The following SLC35F4 variants were observed in gnomAD, a reference collection of about 807,000 sequenced individuals.
SLC35F4 encodes solute carrier family 35 member F4.
Under a neutral mutation model 44.2 loss-of-function variants are expected in SLC35F4, and 24 were observed. The ratio of observed to expected loss-of-function variants is 0.54; its 90% CI spans 0.39 to 0.76. The LOEUF is 0.76. Among genes scored for constraint, SLC35F4 ranks in the 30% least tolerant of loss-of-function variants. The probability of loss-of-function intolerance (pLI) is 0.00; values close to 1 mark genes in which losing one functional copy is unlikely to be tolerated. For synonymous variants in SLC35F4, 238 were observed against 223.6 expected, an observed-to-expected ratio of 1.06 and a Z score of -0.57; for missense variants, 562 against 586.1, an observed-to-expected ratio of 0.96 and a Z score of 0.42.
At chr14:57,916,728 C>G (rs1889336831) in intron 1 of SLC35F4, among the ~76,000 whole-genome samples, 1 of 152,118 alleles carries the variant, frequency 6.6e-6, no homozygotes, top group Admixed American at 6.5e-5. Flanking sequence ...GGCTCACTAC[C>G]TGGGTGATGG....
intron 1 of SLC35F4, among the ~76,000 whole-genome samples, chr14:57,835,912 T>A (rs909182276): frequency 6.6e-6 from 1 of 152,228 alleles, no homozygotes; most frequent in Non-Finnish European, 1.5e-5. Flanking sequence ...TTCCATTGTT[T>A]GGGCTGAGAG....
intron 1 of SLC35F4, among the ~76,000 whole-genome samples, chr14:57,955,419 T>A (rs930863116): frequency 2.0e-5 from 3 of 151,982 alleles, no homozygotes; most frequent in Non-Finnish European, 4.4e-5. Flanking sequence ...TCTACTCACA[T>A]AGTATTGGAA....
At chr14:57,760,893 G>A (rs2077108599) in intron 1 of SLC35F4, among the ~76,000 whole-genome samples, 1 of 152,052 alleles carries the variant, frequency 6.6e-6, no homozygotes, top group South Asian at 2.1e-4. Context: ...AATACTTTTT[G>A]AATACTCAAG....
chr14:57,773,039 T>G (rs2077405607), intron 1 of SLC35F4, among the ~76,000 whole-genome samples: 1 of 152,188 alleles, frequency 6.6e-6, no homozygotes, highest in Non-Finnish European at 1.5e-5. Flanking sequence ...GACATTTTAA[T>G]AGTAACCATT....
chr14:57,586,183 AACC>A (rs1204661590), intron 3 of SLC35F4, among the ~76,000 whole-genome samples: 3 of 152,184 alleles, frequency 2.0e-5, no homozygotes, highest in African/African-American at 7.2e-5. Flanking sequence ...ACACATCTAC[AACC>A]ATCTAGTCTT....
At chr14:57,918,468 A>G (rs1343750084) in intron 1 of SLC35F4, among the ~76,000 whole-genome samples, 4 of 152,112 alleles carry the variant, frequency 2.6e-5, no homozygotes, top group Non-Finnish European at 5.9e-5. Context: ...AGATCTGTTG[A>G]CTTTTAGTCT....
At chr14:57,647,657 C>T (rs1482780583) in intron 1 of SLC35F4, among the ~76,000 whole-genome samples, 2 of 152,176 alleles carry the variant, frequency 1.3e-5, no homozygotes, top group African/African-American at 4.8e-5. Context: ...ATATTCTTCG[C>T]ATGACCAAAC....
At chr14:57,916,748 T>C (rs1042408434) in intron 1 of SLC35F4, among the ~76,000 whole-genome samples, 3 of 152,202 alleles carry the variant, frequency 2.0e-5, no homozygotes, top group Non-Finnish European at 4.4e-5. Context: ...GGATAATTTG[T>C]ATCCCAAACC....
At chr14:57,960,826 G>C (rs916348712) in intron 1 of SLC35F4, among the ~76,000 whole-genome samples, 1 of 152,136 alleles carries the variant, frequency 6.6e-6, no homozygotes, top group African/African-American at 2.4e-5. Context: ...CTACCAAGGA[G>C]GTGGCCCAGG....
chr14:57,798,547 C>G (rs769811637), intron 1 of SLC35F4, among the ~76,000 whole-genome samples: 1 of 152,188 alleles, frequency 6.6e-6, no homozygotes, highest in Non-Finnish European at 1.5e-5. Context: ...CTACCACATA[C>G]CATCCTGTCA....
chr14:57,784,082 A>G (rs1007845271), intron 1 of SLC35F4, among the ~76,000 whole-genome samples: 2 of 152,186 alleles, frequency 1.3e-5, no homozygotes, highest in Admixed American at 6.5e-5. Flanking sequence ...AAGATATGGA[A>G]ATGGCAAAAA....
Position 57,621,714 on chromosome 14 carries a change from G to A in SLC35F4, c.104-27590C>T, listed in dbSNP as rs186677096. 3.8e-3 allele frequency among the ~76,000 whole-genome samples: 583 copies of A among 152,004 alleles called. 2 individuals carry two copies. Among genetic ancestry groups the A allele is most frequent in the African/African-American group, 0.012 (505 of 41,488 alleles). On this transcript the variant is annotated intron_variant, in intron 1 of 7. Transcript: ENST00000556826. ...CGTTAGACCTAAAACCATAAAAACC[G>A]TAGAAGGAAACCTAGGCATTACCAT... is the stretch of plus-strand genomic sequence containing the variant.
intron 1 of SLC35F4, among the ~76,000 whole-genome samples, chr14:57,704,026 G>C (rs2075608130): frequency 6.6e-6 from 1 of 152,136 alleles, no homozygotes; most frequent in Non-Finnish European, 1.5e-5. Flanking sequence ...AAAATCTAGA[G>C]CCTTGACCCC....
chr14:57,776,205 A>G (rs1566843029), intron 1 of SLC35F4, among the ~76,000 whole-genome samples: 1 of 152,222 alleles, frequency 6.6e-6, no homozygotes. Flanking sequence ...GGTGAATGGA[A>G]GCAACTTGGA....
At chr14:57,745,986 A>G (rs1465224385) in intron 1 of SLC35F4, among the ~76,000 whole-genome samples, 1 of 152,162 alleles carries the variant, frequency 6.6e-6, no homozygotes, top group Non-Finnish European at 1.5e-5. Flanking sequence ...CGCAAGGACA[A>G]AAAACCAAAC....
chr14:57,576,445 A>G (rs2068794912), intron 4 of SLC35F4, among the ~76,000 whole-genome samples: 1 of 152,198 alleles, frequency 6.6e-6, no homozygotes, highest in African/African-American at 2.4e-5. Context: ...AGGTTGGGAC[A>G]CACATTAATA....
At chr14:57,665,362 G>C (rs1163365196) in intron 1 of SLC35F4, among the ~76,000 whole-genome samples, 1 of 151,998 alleles carries the variant, frequency 6.6e-6, no homozygotes, top group African/African-American at 2.4e-5. Context: ...TCTCATTATG[G>C]GCCAGATATT....
upstream of SLC35F4, among the ~76,000 whole-genome samples, chr14:57,982,772 C>T (rs1350728460): frequency 6.6e-6 from 1 of 152,090 alleles, no homozygotes; most frequent in African/African-American, 2.4e-5. Flanking sequence ...CGTGCCTGCA[C>T]TCTTATTTAA....
At chr14:57,805,969 G>A (rs1189494015) in intron 1 of SLC35F4, among the ~76,000 whole-genome samples, 1 of 152,168 alleles carries the variant, frequency 6.6e-6, no homozygotes, top group Non-Finnish European at 1.5e-5. Context: ...TTTAAGTGAT[G>A]AAACACTAGG....
Sources: gnomAD v4.1 joint callset for allele counts (sites outside exome capture counted in the v4.1 genomes callset) on GRCh38, gnomAD v4.1.1 for gene constraint, MANE v1.5 for transcripts, NCBI Gene and HGNC (gene_info 2026-07-23, HGNC 2026-07-21) for gene names.